The following NINL variants were observed in gnomAD, a reference collection of about 807,000 sequenced individuals.
NINL encodes ninein like, also known as ninein-like protein.
In NINL, 153 loss-of-function variants were observed where a neutral mutation model predicts 160.3. That is an observed-to-expected ratio of 0.95 (90% CI 0.84 to 1.09). The LOEUF (loss-of-function observed/expected upper bound fraction) is 1.09. NINL is among the 50% of genes least tolerant of loss of function. The pLI is 0.00. For synonymous variants in NINL, 800 were observed against 734.8 expected (o/e 1.09, Z -1.43); for missense variants, 1,829 against 1,764.0 (o/e 1.04, Z -0.66).
intron 1 of NINL, among the ~76,000 whole-genome samples, chr20:25,573,631 TA>T (rs2065080410): frequency 6.6e-6 from 1 of 152,186 alleles, no homozygotes; most frequent in Non-Finnish European, 1.5e-5. Context: ...TAAATGTAGA[TA>T]AAACACAGCA....
chr20:25,462,001 C>T (rs2062800583), intron 20 of NINL, among the ~76,000 whole-genome samples: 1 of 152,230 alleles, frequency 6.6e-6, no homozygotes, highest in Non-Finnish European at 1.5e-5. Context: ...TTCAGTTCTG[C>T]TTTGCTATTA....
intron 16 of NINL, among the ~76,000 whole-genome samples, chr20:25,478,590 C>G (rs1206422198): frequency 6.6e-6 from 1 of 152,218 alleles, no homozygotes; most frequent in Non-Finnish European, 1.5e-5. Context: ...CTCCATCTCC[C>G]CACATGCTAC....
chr20:25,481,912 G>T (rs2063396196), intron 14 of NINL, 56 bp downstream of exon 14: 12 of 1,572,362 alleles, frequency 7.6e-6, no homozygotes, highest in Non-Finnish European at 1.0e-5. Flanking sequence ...CTGGCTCTGG[G>T]CCTTGTTGTC....
intron 5 of NINL, among the ~76,000 whole-genome samples, chr20:25,510,386 C>A (rs2064045698): frequency 6.6e-6 from 1 of 152,230 alleles, no homozygotes; most frequent in African/African-American, 2.4e-5. Context: ...GGGGTCACAT[C>A]AGTACTTGCA....
chr20:25,521,688 T>A (rs2064266213), intron 2 of NINL, among the ~76,000 whole-genome samples: 2 of 152,196 alleles, frequency 1.3e-5, no homozygotes, highest in Non-Finnish European at 2.9e-5. Flanking sequence ...TGACTGCAAT[T>A]CATCTTTACC....
chr20:25,570,943 T>C (rs547128339), intron 1 of NINL, among the ~76,000 whole-genome samples: 6 of 151,672 alleles, frequency 4.0e-5, no homozygotes, highest in Non-Finnish European at 5.9e-5. Context: ...CCTCAAGTGA[T>C]CCATCCATCT....
intron 2 of NINL, 128 bp from the exon 3 acceptor site, chr20:25,517,977 C>A (rs375252513): frequency 9.6e-6 from 5 of 523,198 alleles, no homozygotes; most frequent in South Asian, 4.1e-5. Context: ...AGAACATTCA[C>A]GTTTTCAAAT....
At chr20:25,492,747 A>T (rs1185800965) in intron 10 of NINL, among the ~76,000 whole-genome samples, 1 of 152,082 alleles carries the variant, frequency 6.6e-6, no homozygotes, top group African/African-American at 2.4e-5. Context: ...CGGCCACAAC[A>T]TGGTATCATT....
At chr20:25,549,234 C>T (rs1469432079) in intron 1 of NINL, among the ~76,000 whole-genome samples, 2 of 149,628 alleles carry the variant, frequency 1.3e-5, no homozygotes, top group Admixed American at 1.3e-4. Context: ...GCCAAACCTC[C>T]CACACCCAGC....
chr20:25,504,236 T>C (rs1266531300), intron 6 of NINL, 132 bp from the exon 7 acceptor site: 2 of 935,350 alleles, frequency 2.1e-6, no homozygotes, highest in Non-Finnish European at 3.2e-6. Flanking sequence ...TTATCCAGCC[T>C]TAAAACTGTG....
intron 1 of NINL, among the ~76,000 whole-genome samples, chr20:25,529,839 T>G (rs1438542717): frequency 6.6e-6 from 1 of 152,014 alleles, no homozygotes; most frequent in Non-Finnish European, 1.5e-5. Flanking sequence ...AGACCTCGTC[T>G]CAAAATAAAT....
chr20:25,456,543 G>A lies in NINL; in HGVS notation c.3844-757C>T, dbSNP rs183071103. Among the ~76,000 whole-genome samples the A allele has an allele frequency of 2.3e-3, 343 of 147,632 alleles. 1 individual carries two copies. The highest frequency in any genetic ancestry group is 3.8e-3 in the Non-Finnish European group (254 of 66,998). ...AGTCTGGGTGACAGAGCAAGACTCC[G>A]TCTCAAAAAAAAAACACAAAAAACA... On this transcript the variant is annotated intron_variant, in intron 22 of 23. Coordinates refer to ENST00000278886, the MANE Select transcript of NINL (RefSeq NM_025176.6).
At chr20:25,535,361 AAT>A (rs2064538472) in intron 1 of NINL, among the ~76,000 whole-genome samples, 1 of 152,180 alleles carries the variant, frequency 6.6e-6, no homozygotes. Flanking sequence ...TACAGTTAAT[AAT>A]AACATATTGT....
intron 18 of NINL, among the ~76,000 whole-genome samples, chr20:25,469,753 C>T (rs958145105): frequency 6.6e-6 from 1 of 152,188 alleles, no homozygotes; most frequent in African/African-American, 2.4e-5. Flanking sequence ...GGCACTCTGC[C>T]TCACTTCCCA....
At chr20:25,569,570 C>A (rs1322141355) in intron 1 of NINL, among the ~76,000 whole-genome samples, 1 of 152,130 alleles carries the variant, frequency 6.6e-6, no homozygotes, top group South Asian at 2.1e-4. Context: ...GGCAAGACAG[C>A]GATGAATGGA....
intron 1 of NINL, among the ~76,000 whole-genome samples, chr20:25,532,364 G>C (rs1444650365): frequency 2.0e-5 from 3 of 152,234 alleles, no homozygotes; most frequent in Admixed American, 6.5e-5. Flanking sequence ...TCCACAGGAG[G>C]GCTGGCCAGC....
rs769071183 is a variant in NINL at position 25,476,439 on chromosome 20, G to A, written c.2852C>T (p.Ser951Leu). Reference sequence around the variant, plus strand: ...CTCCCACATCCGTGGCTGGGTTTGCGAGGCGTCTCTCTCTGTTCCCAGCAG... The same window carrying A: ...CTCCCACATCCGTGGCTGGGTTTGCAAGGCGTCTCTCTCTGTTCCCAGCAG... ...LPLLGTERDA[S>L]QTQPRMWEPP... is the part of the protein sequence containing the mutation. The change falls in exon 17 of 24, where the codon TCG (serine) becomes TTG (leucine). Residue 951 changes from serine (S) to leucine (L), a missense_variant. Coordinates refer to ENST00000278886, the MANE Select transcript of NINL (RefSeq NM_025176.6). 6.8e-6 allele frequency: 11 copies of A among 1,608,856 alleles called. No individual in the cohort carries two copies. The highest frequency in any genetic ancestry group is 1.1e-5 in the South Asian group (1 of 91,064).
intron 22 of NINL, among the ~76,000 whole-genome samples, chr20:25,457,271 C>T (rs1190762669): frequency 1.3e-5 from 2 of 152,308 alleles, no homozygotes; most frequent in Admixed American, 1.3e-4. Flanking sequence ...TTGCAGTAAG[C>T]CAAGATTACG....
At chr20:25,535,448 T>C (rs1360872103) in intron 1 of NINL, among the ~76,000 whole-genome samples, 2 of 152,226 alleles carry the variant, frequency 1.3e-5, no homozygotes, top group African/African-American at 2.4e-5. Flanking sequence ...GGGACAGATA[T>C]GTTAATTAGC....
Sources: allele counts gnomAD v4.1 joint callset (sites outside exome capture counted in the v4.1 genomes callset), GRCh38; gene constraint gnomAD v4.1.1; transcripts MANE v1.5; gene names NCBI Gene and HGNC (gene_info 2026-07-23, HGNC 2026-07-21).